Variants in ESAM observed in about 807,000 individuals in gnomAD.
ESAM encodes endothelial cell-selective adhesion molecule.
A neutral mutation model predicts 31.8 loss-of-function variants in ESAM; 23 were observed. That is an observed-to-expected ratio of 0.72 (90% CI 0.52 to 1.03). The LOEUF (loss-of-function observed/expected upper bound fraction) is 1.03. ESAM is among the 50% of genes least tolerant of loss of function. The pLI is 0.00. For synonymous variants in ESAM, 216 were observed against 207.2 expected (o/e 1.04, Z -0.37); for missense variants, 478 against 488.9 (o/e 0.98, Z 0.21).
rs1944239705 is a variant in ESAM at position 124,762,216 on chromosome 11, G to C, written c.-62C>G. The C allele has an allele frequency of 7.4e-7, 1 of 1,347,862 alleles. No individual in the cohort carries two copies. Among genetic ancestry groups the C allele is most frequent in the Non-Finnish European group, 1.0e-6 (1 of 997,146 alleles). 83.5% of individuals were successfully genotyped at this position (1,347,862 alleles called of 1,614,324 possible). A position where few individuals can be genotyped will look rare whatever the true frequency, so the allele number is the denominator to read the frequency against. On this transcript the variant is annotated 5_prime_UTR_variant, in exon 1 of 7. Transcript: ENST00000278927. The surrounding 1 kb of genome is among the most constrained non-coding windows in gnomAD (Gnocchi z 6.4). ...CCGCGGGACGCACGGACCTGCAGGT[G>C]CCGAGGCTGCGCGACGGCCGGAGCG...
intron 1 of ESAM, among the ~76,000 whole-genome samples, chr11:124,758,916 T>C (rs982421853): frequency 1.3e-5 from 2 of 152,136 alleles, no homozygotes; most frequent in Admixed American, 1.3e-4. Context: ...CCCACTTGCT[T>C]CCCTAGTTTT....
rs995492597 is a variant in ESAM, at chr11:124,754,076, C to G, written c.858-115G>C. Reference sequence around the variant, plus strand: ...CCTGCACACTTCAGTACTCCTTTCCCTCTCCCTTAAAACCTGCCCATAGGA... The same window carrying G: ...CCTGCACACTTCAGTACTCCTTTCCGTCTCCCTTAAAACCTGCCCATAGGA... On this transcript the variant is annotated intron_variant, in intron 6 of 6. Transcript: ENST00000278927. This position sits in a 1 kb window ranked among gnomAD's most constrained non-coding sequence, Gnocchi z 4.5. 1.0e-5 allele frequency: 16 copies of G among 1,552,870 alleles called. No individual in the cohort carries two copies. Among genetic ancestry groups the G allele is most frequent in the African/African-American group, 8.2e-5 (6 of 73,476 alleles).
At chr11:124,761,157 TAA>T (rs927014284) in intron 1 of ESAM, among the ~76,000 whole-genome samples, 1 of 152,086 alleles carries the variant, frequency 6.6e-6, no homozygotes, top group African/African-American at 2.4e-5. Context: ...AGAAATGAGT[TAA>T]AGTCAATATA....
In ESAM at chr11:124,754,185, C is replaced by T; in HGVS notation, c.857+29G>A. On this transcript the variant is annotated intron_variant, in intron 6 of 6. Transcript: ENST00000278927. The surrounding 1 kb of genome is among the most constrained non-coding windows in gnomAD (Gnocchi z 4.5). ...TCTGTGAGGAGAGCTGGGAGAGCCC[C>T]CGCTGCAGCAGACACCAGGGACACT... 1 of 1,607,990 alleles carries T rather than the reference C, an allele frequency of 6.2e-7. No individual in the cohort carries two copies. The highest frequency in any genetic ancestry group is 8.5e-7 in the Non-Finnish European group (1 of 1,176,596).
chr11:124,760,256 C>G (rs1944211733), intron 1 of ESAM, among the ~76,000 whole-genome samples: 1 of 152,204 alleles, frequency 6.6e-6, no homozygotes, highest in Admixed American at 6.5e-5. Flanking sequence ...ACCAACTGGT[C>G]CGTTTTTTTC....
intron 2 of ESAM, 114 bp downstream of exon 2, chr11:124,758,235 A>T: frequency 8.0e-7 from 1 of 1,244,384 alleles, no homozygotes; most frequent in Non-Finnish European, 1.1e-6. Context: ...CTTTTCCCTG[A>T]AACTCCTTCC....
In ESAM at chr11:124,754,370, A is replaced by G. The variant is rs775652027; in HGVS notation, c.731-30T>C. 1 of 1,611,158 alleles carries G rather than the reference A, an allele frequency of 6.2e-7. No homozygotes were observed. The highest frequency in any genetic ancestry group is 8.5e-7 in the Non-Finnish European group (1 of 1,178,784). On this transcript the variant is annotated intron_variant, in intron 5 of 6. Coordinates refer to ENST00000278927, the MANE Select transcript of ESAM (RefSeq NM_138961.3). The surrounding 1 kb of genome is among the most constrained non-coding windows in gnomAD (Gnocchi z 4.5). ...AAAAGGCGTCGTGTCAGAGGAGGAC[A>G]CCCAGCTGAGGGGTTCTCACCCCTC...
Position 124,758,482 on chromosome 11 carries a change from CG to C in ESAM, c.115del (p.Arg39GlyfsTer33). On this transcript the variant is annotated frameshift_variant, in exon 2 of 7. Transcript: ENST00000278927. LOFTEE classifies it high-confidence loss of function. ...TTCCCCTCCCTCCACCGCCTGCAAC[CG>C]GTTGGCGGGCAAGTGCAGTTGCAGC... ...AQLQLHLPAN[R>X]LQAVEGGEVV... The C allele has an allele frequency of 1.9e-6, 3 of 1,608,556 alleles. No individual in the cohort carries two copies. The highest frequency in any genetic ancestry group is 8.5e-7 in the Non-Finnish European group (1 of 1,177,378).
In ESAM at chr11:124,762,184, G is replaced by C. The variant is rs1287115018; in HGVS notation, c.-30C>G. On this transcript the variant is annotated 5_prime_UTR_variant, in exon 1 of 7. Transcript: ENST00000278927. This position sits in a 1 kb window ranked among gnomAD's most constrained non-coding sequence, Gnocchi z 6.4. ...CTCCCTGGCCGGGACGGAGTCAGGG[G>C]CGCCAGCCGCGGGACGCACGGACCT... is the stretch of plus-strand genomic sequence containing the variant. The C allele has an allele frequency of 6.4e-7, 1 of 1,572,502 alleles. No homozygotes were observed. The highest frequency in any genetic ancestry group is 8.7e-7 in the Non-Finnish European group (1 of 1,156,010).
Position 124,756,329 on chromosome 11 carries a change from C to G in ESAM, c.485G>C (p.Gly162Ala). 6.2e-7 allele frequency: 1 copy of G among 1,610,438 alleles called. No individual in the cohort carries two copies. The highest frequency in any genetic ancestry group is 1.1e-5 in the South Asian group (1 of 90,528). Residue 162 changes from glycine (G) to alanine (A), a missense_variant, in exon 4 of 7, where the codon GGT becomes GCT. Coordinates refer to ENST00000278927, the MANE Select transcript of ESAM (RefSeq NM_138961.3). Reference protein sequence around the residue: ...PPAPPSCRLQGVPHVGANVTL... With the variant: ...PPAPPSCRLQAVPHVGANVTL... ...CACGTTTGCCCCCACATGGGGCACACCCTGGAGACGGCAGGATGGAGGAGC... is the reference window on the plus strand; with the variant it reads ...CACGTTTGCCCCCACATGGGGCACAGCCTGGAGACGGCAGGATGGAGGAGC...
chr11:124,756,144 T>A lies in ESAM; in HGVS notation c.607+63A>T. ...GCTCCCCTTTTCACCCCAGTCCCTG[T>A]GGTACCTCTCATCTTTCCCCTTCCC... On this transcript the variant is annotated intron_variant, in intron 4 of 6. Transcript: ENST00000278927. 9 of 1,603,184 alleles carry A rather than the reference T, an allele frequency of 5.6e-6. No individual in the cohort carries two copies. In the South Asian group the frequency reaches 7.8e-5, roughly 14 times the overall value.
At chr11:124,760,214 C>G (rs574287006) in intron 1 of ESAM, among the ~76,000 whole-genome samples, 1 of 152,258 alleles carries the variant, frequency 6.6e-6, no homozygotes, top group Non-Finnish European at 1.5e-5. Context: ...CTTTTCTGCT[C>G]TCCCTCCTGG....
intron 2 of ESAM, chr11:124,756,950 C>G: frequency 1.7e-6 from 1 of 584,338 alleles, no homozygotes; most frequent in South Asian, 2.0e-5. Flanking sequence ...GTTCTTCGTT[C>G]CTGCGCATTG....
Position 124,754,800 on chromosome 11 carries a change from C to A in ESAM, c.608-37G>T. The A allele has an allele frequency of 6.5e-7, 1 of 1,546,988 alleles. No individual in the cohort carries two copies. The highest frequency in any genetic ancestry group is 1.7e-4 in the Middle Eastern group (1 of 5,728). ...ATTTAGCCATCAGTCCAGGGACCCT[C>A]TTTCCCATTAAAAAAAAAAAAAAAT... is the stretch of plus-strand genomic sequence containing the variant. On this transcript the variant is annotated intron_variant, in intron 4 of 6. Coordinates refer to ENST00000278927, the MANE Select transcript of ESAM (RefSeq NM_138961.3). The surrounding 1 kb of genome is among the most constrained non-coding windows in gnomAD (Gnocchi z 4.5).
chr11:124,760,433 C>A (rs1371488281), intron 1 of ESAM, among the ~76,000 whole-genome samples: 5 of 152,248 alleles, frequency 3.3e-5, no homozygotes, highest in Admixed American at 3.3e-4. Context: ...GGCCCGCTCC[C>A]CGGGGCTATT....
Position 124,753,756 on chromosome 11 carries a change from G to A in ESAM, c.1063C>T (p.Pro355Ser). The A allele has an allele frequency of 6.2e-7, 1 of 1,614,138 alleles. No homozygotes were observed. The highest frequency in any genetic ancestry group is 1.3e-5 in the African/African-American group (1 of 75,052). ...CCAGGGATGGGGGATATTGGTTGAG[G>A]GTGGGCCCCATCTGTCGTGGGCAGT... is the stretch of plus-strand genomic sequence containing the variant. Reference protein sequence around the residue: ...PRLPTTDGAHPQPISPIPGGV... With the variant: ...PRLPTTDGAHSQPISPIPGGV... Residue 355 changes from proline (P) to serine (S), a missense_variant, in exon 7 of 7, where the codon CCT becomes TCT. By Grantham distance (74) the Pro-to-Ser change is moderately conservative. Coordinates refer to ENST00000278927, the MANE Select transcript of ESAM (RefSeq NM_138961.3).
In ESAM at chr11:124,753,647, C is replaced by T. The variant is rs1393838618; in HGVS notation, c.1172G>A (p.Ter391=). The T allele has an allele frequency of 4.3e-6, 7 of 1,613,382 alleles. No individual in the cohort carries two copies. Among genetic ancestry groups the T allele is most frequent in the Non-Finnish European group, 5.9e-6 (7 of 1,180,042 alleles). ...TTTAGCCAATGAGTGGTGGGGTCAT[C>T]ATACCAGAGAGCCAGCTTGACTCTG... ...PAQSQAGSLV[*] The change falls in exon 7 of 7, where the codon TGA becomes TAA. Residue 391 remains the stop codon, a stop_retained_variant. Coordinates refer to ENST00000278927, the MANE Select transcript of ESAM (RefSeq NM_138961.3).
Position 124,757,149 on chromosome 11 carries a change from A to G in ESAM, c.250-407T>C, listed in dbSNP as rs996929999. On this transcript the variant is annotated intron_variant, in intron 2 of 6. Coordinates refer to ENST00000278927, the MANE Select transcript of ESAM (RefSeq NM_138961.3). ...TTAAAAATGTATTTTAAAAGTATCAAATGAGGCTGGGCACGTTGCCTCATG... is the reference window on the plus strand; with the variant it reads ...TTAAAAATGTATTTTAAAAGTATCAGATGAGGCTGGGCACGTTGCCTCATG... 8 of 207,922 alleles carry G rather than the reference A, an allele frequency of 3.8e-5. No homozygotes were observed. In the South Asian group the frequency reaches 5.1e-4, roughly 13 times the overall value. The allele number at this position is 207,922 out of a possible 1,614,324, so 12.9% of individuals were successfully genotyped here. A position where few individuals can be genotyped will look rare whatever the true frequency, so the allele number is the denominator to read the frequency against.
chr11:124,761,423 T>C (rs1944226889), intron 1 of ESAM, among the ~76,000 whole-genome samples: 1 of 151,318 alleles, frequency 6.6e-6, no homozygotes, highest in African/African-American at 2.4e-5. Flanking sequence ...CTCTTCCCTT[T>C]GGCTCTGGAA....
Sources: allele counts gnomAD v4.1 joint callset (sites outside exome capture counted in the v4.1 genomes callset), GRCh38; gene constraint gnomAD v4.1.1; non-coding constraint Gnocchi (gnomAD v3.1); transcripts MANE v1.5; gene names NCBI Gene and HGNC (gene_info 2026-07-23, HGNC 2026-07-21).